Variants in VPS8 observed in about 807,000 individuals in gnomAD.
VPS8 encodes the protein vacuolar protein sorting-associated protein 8 homolog.
Under a neutral mutation model 216.4 loss-of-function variants are expected in VPS8, and 129 were observed. The ratio of observed to expected loss-of-function variants is 0.60; its 90% CI spans 0.52 to 0.69. The LOEUF is 0.69. Among genes scored for constraint, VPS8 ranks in the 30% least tolerant of loss-of-function variants. The probability of loss-of-function intolerance (pLI) is 0.00; values close to 1 mark genes in which losing one functional copy is unlikely to be tolerated. For synonymous variants in VPS8, 571 were observed against 565.4 expected (o/e 1.01, Z -0.14); for missense variants, 1,531 against 1,683.5 (o/e 0.91, Z 1.59).
intron 36 of VPS8, among the ~76,000 whole-genome samples, chr3:184,948,260 A>G (rs557161498): frequency 1.7e-4 from 25 of 148,570 alleles, no homozygotes; most frequent in Non-Finnish European, 2.7e-4. Context: ...GGAATTTATT[A>G]TAAGAAACCT....
At chr3:184,947,503 C>T (rs1743913224) in intron 36 of VPS8, among the ~76,000 whole-genome samples, 1 of 150,964 alleles carries the variant, frequency 6.6e-6, no homozygotes, top group Non-Finnish European at 1.5e-5. Context: ...TTACTCTGTT[C>T]AGTTGATCAG....
intron 45 of VPS8, among the ~76,000 whole-genome samples, chr3:185,016,524 G>A (rs13319000): frequency 0.088 from 13,467 of 152,202 alleles, 639 homozygotes; most frequent in African/African-American, 0.094. Context: ...GCAGGCTGCA[G>A]GTTGTTTACT....
intron 30 of VPS8, 47 bp from the exon 31 acceptor site, chr3:184,926,547 A>T: frequency 1.3e-6 from 2 of 1,522,996 alleles, no homozygotes; most frequent in Non-Finnish European, 1.8e-6. Context: ...GAGAGTATTA[A>T]TGTCTAGATG....
intron 43 of VPS8, 67 bp downstream of exon 43, chr3:184,994,130 G>A: frequency 2.5e-6 from 3 of 1,202,992 alleles, no homozygotes; most frequent in Non-Finnish European, 3.4e-6. Context: ...TTTTAATTTT[G>A]TACCTATACT....
At chr3:184,860,524 T>C (rs1006127456) in intron 15 of VPS8, among the ~76,000 whole-genome samples, 1 of 151,544 alleles carries the variant, frequency 6.6e-6, no homozygotes, top group African/African-American at 2.4e-5. Context: ...CCTGGTTATA[T>C]TGAATAAACT....
At chr3:185,017,014 G>C (rs1035968206) in intron 45 of VPS8, among the ~76,000 whole-genome samples, 2 of 151,734 alleles carry the variant, frequency 1.3e-5, no homozygotes, top group South Asian at 2.1e-4. Flanking sequence ...TTTTTTCCTA[G>C]TCTCATACCA....
At chr3:184,929,029 C>G (rs1475295645) in intron 32 of VPS8, among the ~76,000 whole-genome samples, 1 of 152,016 alleles carries the variant, frequency 6.6e-6, no homozygotes, top group East Asian at 1.9e-4. Flanking sequence ...ATGTGATACA[C>G]TATTGTTTTA....
intron 22 of VPS8, 82 bp downstream of exon 22, chr3:184,886,238 G>T: frequency 8.2e-7 from 1 of 1,215,010 alleles, no homozygotes; most frequent in Non-Finnish European, 1.2e-6. Flanking sequence ...AGAATTCTAT[G>T]AATTTGACTG....
At chr3:184,889,963 A>G (rs1384782566) in intron 22 of VPS8, among the ~76,000 whole-genome samples, 2 of 152,202 alleles carry the variant, frequency 1.3e-5, no homozygotes, top group African/African-American at 2.4e-5. Flanking sequence ...ATTAGATACA[A>G]GAATTCTATG....
chr3:184,824,903 T>C, intron 2 of VPS8, 118 bp downstream of exon 2: 1 of 949,150 alleles, frequency 1.1e-6, no homozygotes, highest in Non-Finnish European at 1.5e-6. Flanking sequence ...AGTCTGTGTA[T>C]AATTTTTTTT....
intron 22 of VPS8, among the ~76,000 whole-genome samples, chr3:184,887,935 C>G (rs531798066): frequency 6.6e-6 from 1 of 151,502 alleles, no homozygotes; most frequent in Non-Finnish European, 1.5e-5. Context: ...TCTAGTGTTA[C>G]GTAATTAGCA....
chr3:185,018,986 G>A (rs543228626), intron 45 of VPS8, among the ~76,000 whole-genome samples: 7 of 152,270 alleles, frequency 4.6e-5, no homozygotes, highest in East Asian at 1.9e-4. Flanking sequence ...AGAAGGGTAC[G>A]GATGAACCTT....
intron 5 of VPS8, among the ~76,000 whole-genome samples, 194 bp from the exon 6 acceptor site, chr3:184,838,520 A>G (rs765119506): frequency 3.3e-5 from 5 of 152,172 alleles, no homozygotes; most frequent in Non-Finnish European, 7.4e-5. Context: ...AAATAAAACA[A>G]TCCCCTTTCA....
intron 7 of VPS8, among the ~76,000 whole-genome samples, chr3:184,840,755 T>G (rs550000661): frequency 6.0e-4 from 91 of 151,300 alleles, no homozygotes; most frequent in African/African-American, 2.1e-3. Context: ...TTAGTTTTTT[T>G]GGGGGGGGTC....
chr3:184,840,875 G>A (rs1460065703), intron 7 of VPS8, among the ~76,000 whole-genome samples: 1 of 152,214 alleles, frequency 6.6e-6, no homozygotes, highest in Non-Finnish European at 1.5e-5. Flanking sequence ...GATTACCTGA[G>A]AATACTTAAT....
At chr3:184,958,535 G>C (rs531884316) in intron 37 of VPS8, among the ~76,000 whole-genome samples, 1 of 152,300 alleles carries the variant, frequency 6.6e-6, no homozygotes, top group Admixed American at 6.5e-5. Flanking sequence ...GATTTTCCTG[G>C]ATTGCCGTTT....
intron 46 of VPS8, among the ~76,000 whole-genome samples, chr3:185,032,253 T>G (rs572667709): frequency 6.6e-6 from 1 of 152,356 alleles, no homozygotes; most frequent in African/African-American, 2.4e-5. Context: ...TAGAATGTGT[T>G]GTCTTTCAAA....
At chr3:184,853,748 G>A in intron 11 of VPS8, 109 bp from the exon 12 acceptor site, 1 of 1,095,534 alleles carries the variant, frequency 9.1e-7, no homozygotes, top group Non-Finnish European at 1.3e-6. Flanking sequence ...TTGGATTGTT[G>A]GGGGTTAAGG....
At chr3:185,003,701 A>AGTGG (rs1753772801) in intron 45 of VPS8, among the ~76,000 whole-genome samples, 1 of 152,192 alleles carries the variant, frequency 6.6e-6, no homozygotes, top group South Asian at 2.1e-4. Context: ...GGCCGGGCAG[A>AGTGG]GTGGCTCCTC....
Sources: allele counts gnomAD v4.1 joint callset (sites outside exome capture counted in the v4.1 genomes callset), GRCh38; gene constraint gnomAD v4.1.1; transcripts MANE v1.5; gene names NCBI Gene and HGNC (gene_info 2026-07-23, HGNC 2026-07-21).